TOX: variants seen among roughly 807,000 people sequenced by gnomAD.
TOX encodes the protein thymocyte selection associated high mobility group box.
In TOX, 11 loss-of-function variants were observed where a neutral mutation model predicts 53.7. The ratio of observed to expected loss-of-function variants is 0.20; its 90% confidence interval spans 0.13 to 0.34. The LOEUF (loss-of-function observed/expected upper bound fraction) is 0.34. Ranked by LOEUF, TOX falls within the 10% of genes least tolerant of loss-of-function variation. The probability of loss-of-function intolerance (pLI) is 1.00; values close to 1 mark genes in which losing one functional copy is unlikely to be tolerated. For synonymous variants in TOX, 225 were observed against 245.3 expected (o/e 0.92, Z 0.77); for missense variants, 570 against 664.6 (o/e 0.86, Z 1.56).
intron 1 of TOX, among the ~76,000 whole-genome samples, chr8:58,961,722 C>T (rs1406139672): frequency 6.6e-6 from 1 of 151,962 alleles, no homozygotes; most frequent in Non-Finnish European, 1.5e-5. Flanking sequence ...GAGGCAGGGT[C>T]TTGAACTCTT....
rs1053818180 is a variant in TOX at position 58,807,017 on chromosome 8, T to C, written c.*730A>G. On this transcript the variant is annotated 3_prime_UTR_variant, in exon 9 of 9. Coordinates refer to ENST00000361421, the MANE Select transcript of TOX (RefSeq NM_014729.3). ...TTACTAACCATTACACAAAAAGTGA[T>C]ACAAAAAAGCAATTTTTCTGCAGTA... 9 of 152,646 alleles carry C rather than the reference T, an allele frequency of 5.9e-5. No homozygotes were observed. The highest frequency in any genetic ancestry group is 1.2e-4 in the Non-Finnish European group (8 of 68,026). 9.5% of individuals were successfully genotyped at this position (152,646 alleles called of 1,614,324 possible). A position where few individuals can be genotyped will look rare whatever the true frequency, so the allele number is the denominator to read the frequency against.
chr8:58,968,884 G>C (rs1054755909), intron 1 of TOX, among the ~76,000 whole-genome samples: 3 of 152,138 alleles, frequency 2.0e-5, no homozygotes, highest in African/African-American at 7.2e-5. Context: ...CAGAGAAGTT[G>C]TATTTAGGTG....
rs150897694 is a variant in TOX, at chr8:58,990,430, T to G, written c.103-30422A>C. On this transcript the variant is annotated intron_variant, in intron 1 of 8. Transcript: ENST00000361421. ...TTATTTATTTTTATTTATTTATTTA[T>G]TTATTTTTTATTATTATTTTTGGCT... Among the ~76,000 whole-genome samples, 986 of 151,578 alleles carry G rather than the reference T, an allele frequency of 6.5e-3. 10 individuals carry two copies. Among genetic ancestry groups the G allele is most frequent in the African/African-American group, 0.022 (930 of 41,476 alleles).
intron 1 of TOX, among the ~76,000 whole-genome samples, chr8:59,064,334 T>C (rs563695260): frequency 2.0e-5 from 3 of 152,334 alleles, no homozygotes; most frequent in Non-Finnish European, 4.4e-5. Context: ...TAATCTGTCG[T>C]CCTCTAGTTT....
At chr8:59,013,756 T>G (rs1409814868) in intron 1 of TOX, among the ~76,000 whole-genome samples, 1 of 152,256 alleles carries the variant, frequency 6.6e-6, no homozygotes, top group African/African-American at 2.4e-5. Flanking sequence ...CTAAGCATAT[T>G]CTGCCCCAAA....
rs1200624743 is a variant in TOX at position 58,984,667 on chromosome 8, C to T, written c.103-24659G>A. Among the ~76,000 whole-genome samples the T allele has an allele frequency of 9.9e-5, 15 of 151,614 alleles. 1 individual carries two copies. The highest frequency in any genetic ancestry group is 3.2e-4 in the African/African-American group (13 of 41,260). On this transcript the variant is annotated intron_variant, in intron 1 of 8. Transcript: ENST00000361421. ...GTGTGGTGGCGGGCGTCTGTAGTCCCAGCTACTCGGGAGGCTGAGGCCGGA... is the reference window on the plus strand; with the variant it reads ...GTGTGGTGGCGGGCGTCTGTAGTCCTAGCTACTCGGGAGGCTGAGGCCGGA...
At chr8:59,109,187 T>C (rs970489399) in intron 1 of TOX, among the ~76,000 whole-genome samples, 59 of 152,156 alleles carry the variant, frequency 3.9e-4, no homozygotes, top group African/African-American at 1.4e-3. Flanking sequence ...AAATAACATG[T>C]AAAATCTGAA....
chr8:59,013,968 A>G (rs1173969388), intron 1 of TOX, among the ~76,000 whole-genome samples: 4 of 152,146 alleles, frequency 2.6e-5, no homozygotes, highest in African/African-American at 4.8e-5. Context: ...CAAATCCTGT[A>G]TGCATTTATT....
intron 1 of TOX, among the ~76,000 whole-genome samples, chr8:59,114,116 C>T (rs1805063360): frequency 1.3e-5 from 2 of 152,204 alleles, no homozygotes; most frequent in South Asian, 4.1e-4. Flanking sequence ...TCCTGTTCCA[C>T]TGTTCTTAAT....
intron 2 of TOX, among the ~76,000 whole-genome samples, chr8:58,950,741 T>C (rs1360393391): frequency 3.9e-5 from 6 of 152,108 alleles, no homozygotes; most frequent in African/African-American, 1.4e-4. Context: ...GTTTATCTTC[T>C]GGAGGGGAAA....
chr8:58,869,965 A>C (rs1287330261), intron 3 of TOX, among the ~76,000 whole-genome samples: 1 of 152,106 alleles, frequency 6.6e-6, no homozygotes, highest in Non-Finnish European at 1.5e-5. Context: ...TATGGTTGAT[A>C]TCATACTTAA....
At chr8:59,107,335 A>G (rs1177033737) in intron 1 of TOX, among the ~76,000 whole-genome samples, 1 of 152,148 alleles carries the variant, frequency 6.6e-6, no homozygotes, top group African/African-American at 2.4e-5. Flanking sequence ...TCTGTTGAAC[A>G]TCTAATCAAA....
intron 4 of TOX, among the ~76,000 whole-genome samples, chr8:58,850,956 A>G (rs144365044): frequency 2.0e-5 from 3 of 152,284 alleles, no homozygotes; most frequent in Non-Finnish European, 4.4e-5. Context: ...AACTTAAAAG[A>G]ATGGCTCTGC....
intron 1 of TOX, among the ~76,000 whole-genome samples, chr8:59,024,993 T>C (rs1814208182): frequency 6.6e-6 from 1 of 152,130 alleles, no homozygotes. Flanking sequence ...GCCACAGAAA[T>C]CCCTTTATGC....
intron 1 of TOX, among the ~76,000 whole-genome samples, chr8:59,059,033 A>T (rs955468635): frequency 2.0e-5 from 3 of 152,174 alleles, no homozygotes; most frequent in African/African-American, 7.2e-5. Context: ...AGTCTTCTTC[A>T]AGAGCAGTAA....
At chr8:58,978,872 T>C (rs1813153861) in intron 1 of TOX, among the ~76,000 whole-genome samples, 1 of 152,180 alleles carries the variant, frequency 6.6e-6, no homozygotes, top group Non-Finnish European at 1.5e-5. Context: ...ATGCTTGTGG[T>C]TTTTAATTTT....
At chr8:58,992,569 G>A (rs962922411) in intron 1 of TOX, among the ~76,000 whole-genome samples, 3 of 151,972 alleles carry the variant, frequency 2.0e-5, no homozygotes, top group Admixed American at 6.6e-5. Flanking sequence ...CTGAACTTAC[G>A]TTAAAAATCT....
rs182475006 is a variant in TOX at position 58,953,947 on chromosome 8, G to A, written c.168+5996C>T. Among the ~76,000 whole-genome samples the A allele has an allele frequency of 1.5e-3, 227 of 151,540 alleles. 1 individual carries two copies. The highest frequency in any genetic ancestry group is 5.1e-3 in the African/African-American group (212 of 41,244). Reference sequence around the variant, plus strand: ...ATACTCTAACCTGGAGAATTTTCTCGTTAGGAAAACATGAAATTAAACAAA... The same window carrying A: ...ATACTCTAACCTGGAGAATTTTCTCATTAGGAAAACATGAAATTAAACAAA... On this transcript the variant is annotated intron_variant, in intron 2 of 8. Transcript: ENST00000361421.
chr8:58,864,315 A>C (rs1412008789), intron 3 of TOX, among the ~76,000 whole-genome samples: 2 of 152,194 alleles, frequency 1.3e-5, no homozygotes, highest in Non-Finnish European at 2.9e-5. Flanking sequence ...TGTAAGTCTT[A>C]GGATGACTAG....
Sources: gnomAD v4.1 joint callset for allele counts (sites outside exome capture counted in the v4.1 genomes callset) on GRCh38, gnomAD v4.1.1 for gene constraint, MANE v1.5 for transcripts, NCBI Gene and HGNC (gene_info 2026-07-23, HGNC 2026-07-21) for gene names.